The following GPR39 variants were observed in gnomAD, a reference collection of about 807,000 sequenced individuals.
The protein encoded by GPR39 is G protein-coupled receptor 39, also known as zinc sensing receptor.
A neutral mutation model predicts 18.4 loss-of-function variants in GPR39; 23 were observed. The observed-to-expected ratio is 1.25, with a 90% CI of 0.90 to 1.77. The LOEUF (loss-of-function observed/expected upper bound fraction) is 1.77. GPR39 is among the 40% of genes most tolerant of loss of function. The pLI is 0.00. For missense variants in GPR39, 647 were observed against 602.4 expected (o/e 1.07, Z -0.78); for synonymous variants, 280 against 257.9 (o/e 1.09, Z -0.82).
intron 1 of GPR39, among the ~76,000 whole-genome samples, chr2:132,507,650 C>T (rs1051591058): frequency 1.3e-5 from 2 of 152,160 alleles, no homozygotes; most frequent in African/African-American, 2.4e-5. Context: ...CTGACCTCAT[C>T]CCAGATATCA....
intron 1 of GPR39, among the ~76,000 whole-genome samples, chr2:132,585,954 T>TTTTTTG (rs1680720154): frequency 7.2e-6 from 1 of 138,148 alleles, no homozygotes; most frequent in African/African-American, 2.7e-5. Context: ...CCCGGTTTTT[T>TTTTTTG]TTTTTTTTTT....
intron 1 of GPR39, among the ~76,000 whole-genome samples, chr2:132,444,051 G>C (rs542080832): frequency 6.6e-6 from 1 of 152,284 alleles, no homozygotes; most frequent in South Asian, 2.1e-4. Context: ...CTCCAGCCTA[G>C]GCAATAGAGT....
intron 1 of GPR39, among the ~76,000 whole-genome samples, chr2:132,623,539 C>T (rs569202667): frequency 1.4e-4 from 22 of 152,212 alleles, no homozygotes; most frequent in Non-Finnish European, 2.4e-4. Context: ...TATCCCTTTT[C>T]CTCGCCCTGC....
intron 1 of GPR39, among the ~76,000 whole-genome samples, chr2:132,521,122 G>C (rs541121072): frequency 1.3e-5 from 2 of 152,126 alleles, no homozygotes; most frequent in Non-Finnish European, 2.9e-5. Context: ...TTTCCAATGG[G>C]AACAAGGGAG....
chr2:132,613,734 AT>A (rs1321942573), intron 1 of GPR39, among the ~76,000 whole-genome samples: 1 of 152,090 alleles, frequency 6.6e-6, no homozygotes, highest in African/African-American at 2.4e-5. Flanking sequence ...GTTCTTTCTC[AT>A]TTACTTATGG....
chr2:132,506,870 A>ATT (rs58949125), intron 1 of GPR39, among the ~76,000 whole-genome samples: 51 of 150,064 alleles, frequency 3.4e-4, no homozygotes, highest in African/African-American at 1.2e-3. Flanking sequence ...TGTTTCTCCT[A>ATT]TTTTTTTTTT....
chr2:132,588,904 T>G (rs1379374188), intron 1 of GPR39, among the ~76,000 whole-genome samples: 1 of 152,100 alleles, frequency 6.6e-6, no homozygotes, highest in Non-Finnish European at 1.5e-5. Flanking sequence ...ACCTTTGGAA[T>G]CAGCCTCAAA....
intron 1 of GPR39, among the ~76,000 whole-genome samples, chr2:132,503,380 G>T (rs1679081682): frequency 6.6e-6 from 1 of 152,180 alleles, no homozygotes; most frequent in African/African-American, 2.4e-5. Context: ...TGGGCTCCTG[G>T]CTGGTACTGG....
Position 132,546,354 on chromosome 2 carries a change from G to A in GPR39, c.857-98747G>A, listed in dbSNP as rs142426373. Among the ~76,000 whole-genome samples the A allele has an allele frequency of 4.6e-3, 695 of 152,276 alleles. 8 individuals are homozygous for A. The highest frequency in any genetic ancestry group is 0.015 in the African/African-American group (641 of 41,556). On this transcript the variant is annotated intron_variant, in intron 1 of 1. Coordinates refer to ENST00000329321, the MANE Select transcript of GPR39 (RefSeq NM_001508.3). ...GGCCCCACAGGGCACAGCAAGAGGG[G>A]AGCCTGGCTATAGTAGGGACAAGAA...
intron 1 of GPR39, among the ~76,000 whole-genome samples, chr2:132,553,446 C>T (rs1680092478): frequency 6.7e-6 from 1 of 149,322 alleles, no homozygotes. Flanking sequence ...ATATATATAC[C>T]ATTAGATGTA....
In GPR39 at chr2:132,534,729, T is replaced by TGC. The variant is rs1573652301; in HGVS notation, c.857-110372_857-110371insGC. Among the ~76,000 whole-genome samples the TGC allele has an allele frequency of 1.3e-5, 2 of 151,896 alleles. 1 individual carries two copies. Among genetic ancestry groups the TGC allele is most frequent in the East Asian group, 3.9e-4 (2 of 5,142 alleles). On this transcript the variant is annotated intron_variant, in intron 1 of 1. Coordinates refer to ENST00000329321, the MANE Select transcript of GPR39 (RefSeq NM_001508.3). The stretch of plus-strand genomic sequence containing the variant: ...CTGGAAACCATCATTCTCAGCAAAC[T>TGC]ATCGCAAGGACAAAAAACTAAACAC...
intron 1 of GPR39, among the ~76,000 whole-genome samples, chr2:132,629,609 A>G (rs1681613225): frequency 6.6e-6 from 1 of 152,078 alleles, no homozygotes; most frequent in Non-Finnish European, 1.5e-5. Flanking sequence ...ATTGAAGACA[A>G]CCTCTCAATT....
intron 1 of GPR39, among the ~76,000 whole-genome samples, chr2:132,470,729 C>T (rs1406204667): frequency 7.7e-6 from 1 of 130,038 alleles, no homozygotes; most frequent in Non-Finnish European, 1.6e-5. Flanking sequence ...CTATCCCAGC[C>T]TGGGCAGGGG....
chr2:132,614,846 GCTTT>G (rs1200668383), intron 1 of GPR39, among the ~76,000 whole-genome samples: 2 of 152,176 alleles, frequency 1.3e-5, no homozygotes, highest in Non-Finnish European at 2.9e-5. Context: ...CGGCCAAGGA[GCTTT>G]CTTAAATCAT....
chr2:132,636,243 G>A (rs547626638), intron 1 of GPR39, among the ~76,000 whole-genome samples: 99 of 152,332 alleles, frequency 6.5e-4, no homozygotes, highest in African/African-American at 2.3e-3. Flanking sequence ...GGACGGTTCA[G>A]CTGTAAAAAA....
rs1262169467 is a variant in GPR39, at chr2:132,485,894, G to T, written c.856+67996G>T. Among the ~76,000 whole-genome samples the T allele has an allele frequency of 1.3e-5, 2 of 152,234 alleles. 1 individual carries two copies. The highest frequency in any genetic ancestry group is 1.3e-4 in the Admixed American group (2 of 15,272). On this transcript the variant is annotated intron_variant, in intron 1 of 1. Transcript: ENST00000329321. ...AATATTTTTAACGGTATCTAGAATG[G>T]GGAATTCTTTCCAGAAGGTGTTCAA... is the stretch of plus-strand genomic sequence containing the variant.
chr2:132,417,514 T>C lies in GPR39; in HGVS notation c.472T>C (p.Phe158Leu), dbSNP rs764125542. Reference protein sequence around the residue: ...GPCQVKLLIGFVWVTSALVAL... With the variant: ...GPCQVKLLIGLVWVTSALVAL... ...TTGCCAGGTGAAGCTGCTGATTGGC[T>C]TCGTCTGGGTCACCTCCGCCCTGGT... The change falls in exon 1 of 2, where the codon TTC becomes CTC. Residue 158 changes from phenylalanine (F) to leucine (L), a missense_variant. Phe to Leu is a conservative substitution (Grantham distance 22, BLOSUM62 0). Around this residue, in one of 3 missense-constraint regions of GPR39, gnomAD observed 581 missense variants for 506.8 expected, o/e 1.15. Coordinates refer to ENST00000329321, the MANE Select transcript of GPR39 (RefSeq NM_001508.3). 6.2e-7 allele frequency: 1 copy of C among 1,614,138 alleles called. No homozygotes were observed. The highest frequency in any genetic ancestry group is 8.5e-7 in the Non-Finnish European group (1 of 1,180,004).
chr2:132,531,982 CAAG>C (rs1451168299), intron 1 of GPR39, among the ~76,000 whole-genome samples: 4 of 152,030 alleles, frequency 2.6e-5, no homozygotes, highest in African/African-American at 9.7e-5. Flanking sequence ...TAGCAGAAGG[CAAG>C]AAGTAACTAA....
At chr2:132,620,107 T>C (rs1681414063) in intron 1 of GPR39, among the ~76,000 whole-genome samples, 1 of 152,250 alleles carries the variant, frequency 6.6e-6, no homozygotes, top group African/African-American at 2.4e-5. Flanking sequence ...GGGGTCTCTC[T>C]GTTCAGAATT....
Sources: allele counts gnomAD v4.1 joint callset (sites outside exome capture counted in the v4.1 genomes callset), GRCh38; gene constraint gnomAD v4.1.1; regional missense constraint gnomAD v4.1.1; transcripts MANE v1.5; gene names NCBI Gene and HGNC (gene_info 2026-07-23, HGNC 2026-07-21).